The following CD99L2 variants were observed in gnomAD, a reference collection of about 807,000 sequenced individuals.
CD99L2 encodes CD99 molecule like 2, also known as CD99 antigen-like protein 2.
A neutral mutation model predicts 27.3 loss-of-function variants in CD99L2; 24 were observed. That is an observed-to-expected ratio of 0.88 (90% CI 0.64 to 1.24). The LOEUF (loss-of-function observed/expected upper bound fraction) is 1.24, where lower values mean the gene tolerates loss of function less well. Among genes scored for constraint, CD99L2 ranks in the 50% most tolerant of loss-of-function variants. CD99L2 has a pLI of 0.00. For missense variants in CD99L2, 255 were observed against 221.6 expected (o/e 1.15, Z -0.96); for synonymous variants, 97 against 87.9 (o/e 1.10, Z -0.58).
At chrX:150,847,273 G>A (rs994055410) in intron 1 of CD99L2, among the ~76,000 whole-genome samples, 5 of 112,102 alleles carry the variant, frequency 4.5e-5, no homozygotes, top group African/African-American at 1.6e-4. Context: ...TTGTGTTGTA[G>A]TAAGTTTTGA....
chrX:150,842,080 G>A (rs1557421364), intron 1 of CD99L2, among the ~76,000 whole-genome samples: 1 of 111,534 alleles, frequency 9.0e-6, no homozygotes, highest in Non-Finnish European at 1.9e-5. Context: ...CCTGTATCTG[G>A]GCAGCCAGTA....
intron 3 of CD99L2, 38 bp from the exon 4 acceptor site, chrX:150,814,974 TGATTAACAACTGGGTATAA>T (rs1569565971): frequency 2.5e-6 from 3 of 1,198,491 alleles, no homozygotes; most frequent in Admixed American, 2.2e-5. Context: ...AACAGCCAAC[TGATTAACAACTGGGTATAA>T]GATTCCAAAA....
intron 2 of CD99L2, among the ~76,000 whole-genome samples, chrX:150,820,621 TG>T (rs1351147699): frequency 8.9e-6 from 1 of 111,875 alleles, no homozygotes; most frequent in African/African-American, 3.2e-5. Flanking sequence ...AAGACAAGGA[TG>T]TCCACTCTTA....
chrX:150,835,222 T>C (rs1288884693), intron 1 of CD99L2, among the ~76,000 whole-genome samples: 5 of 112,379 alleles, frequency 4.4e-5, no homozygotes, highest in African/African-American at 1.6e-4. Context: ...TATTTTAAAA[T>C]TGCTAATAGA....
At chrX:150,881,078 T>C (rs782254002) in intron 1 of CD99L2, among the ~76,000 whole-genome samples, 25 of 111,043 alleles carry the variant, frequency 2.3e-4, no homozygotes, top group African/African-American at 8.2e-4. Flanking sequence ...CTAGAGCGAG[T>C]GAGAGGGAGC....
rs368016116 is a variant in CD99L2, at chrX:150,792,657, C to T, written c.496+1034G>A. 1.3e-4 allele frequency among the ~76,000 whole-genome samples: 15 copies of T among 112,255 alleles called. No individual in the cohort carries two copies. The East Asian group carries it at 3.6e-3, about 27-fold the overall frequency. ...GAGTTACAACCAGATACACCCATAA[C>T]TTGTCACACTTATAACCGGGTGTAA... On this transcript the variant is annotated intron_variant, in intron 7 of 10. Coordinates refer to ENST00000370377, the MANE Select transcript of CD99L2 (RefSeq NM_031462.4).
chrX:150,895,503 T>G (rs889441003), intron 1 of CD99L2, among the ~76,000 whole-genome samples: 1 of 111,035 alleles, frequency 9.0e-6, no homozygotes, highest in Admixed American at 9.6e-5. Flanking sequence ...TTCTGAGGTC[T>G]GCCAGGGTTA....
chrX:150,773,747 T>C (rs1557419176), intron 9 of CD99L2, among the ~76,000 whole-genome samples: 1 of 112,405 alleles, frequency 8.9e-6, no homozygotes, highest in African/African-American at 3.2e-5. Flanking sequence ...CCAAGGAACA[T>C]CCGGAGTCCC....
Position 150,775,575 on chromosome X carries a change from G to A in CD99L2, c.655+599C>T, listed in dbSNP as rs966025563. ...TAGTAAAGGGTGGTGGGTCGGGGGG[G>A]AACCACACCATTCTTTCTCTCACAT... On this transcript the variant is annotated intron_variant, in intron 9 of 10. Transcript: ENST00000370377. Among the ~76,000 whole-genome samples, 5 of 112,524 alleles carry A rather than the reference G, an allele frequency of 4.4e-5. No individual in the cohort carries two copies. In the South Asian group the frequency reaches 1.5e-3, roughly 33 times the overall value.
At chrX:150,769,170 A>C in intron 10 of CD99L2, 69 bp from the exon 11 acceptor site, 1 of 1,088,856 alleles carries the variant, frequency 9.2e-7, no homozygotes, top group Non-Finnish European at 1.2e-6. Flanking sequence ...ATACAGCAGC[A>C]AGCCCGTGCT....
chrX:150,890,315 C>T (rs1603324869), intron 1 of CD99L2, among the ~76,000 whole-genome samples: 2 of 107,848 alleles, frequency 1.9e-5, no homozygotes, highest in African/African-American at 3.4e-5. Context: ...CCCGTCTCTA[C>T]TGAAAATACA....
rs1256971743 is a variant in CD99L2, at chrX:150,819,219, C to T, written c.131-3141G>A. 1.4e-4 allele frequency: 50 copies of T among 361,657 alleles called. No homozygotes were observed. The East Asian group carries it at 3.2e-3, about 23-fold the overall frequency. 29.8% of individuals were successfully genotyped at this position (361,657 alleles called of 1,213,427 possible). The stretch of plus-strand genomic sequence containing the variant: ...GGAATGGCAAGACCAGCAAGAAGAT[C>T]ACCATTGCCAAATATGGACAACTCT... On this transcript the variant is annotated intron_variant, in intron 2 of 10. Coordinates refer to ENST00000370377, the MANE Select transcript of CD99L2 (RefSeq NM_031462.4).
intron 1 of CD99L2, among the ~76,000 whole-genome samples, chrX:150,871,272 C>T (rs2047152443): frequency 8.9e-6 from 1 of 111,759 alleles, no homozygotes; most frequent in African/African-American, 3.3e-5. Context: ...ACTCACATAA[C>T]TAAAAACAGG....
At chrX:150,795,597 G>C in intron 4 of CD99L2, 111 bp from the exon 5 acceptor site, 6 of 719,115 alleles carry the variant, frequency 8.3e-6, no homozygotes, top group Non-Finnish European at 1.3e-5. Context: ...GGTCCTTGAG[G>C]CTCCTATAGG....
rs1211301018 is a variant in CD99L2, at chrX:150,802,650, T to C, written c.278-7164A>G. 1.6e-4 allele frequency among the ~76,000 whole-genome samples: 16 copies of C among 97,162 alleles called. 1 individual carries two copies. The highest frequency in any genetic ancestry group is 0.011 in the Middle Eastern group (2 of 186). The allele number at this position is 97,162 out of a possible 115,157, so 84.4% of individuals were successfully genotyped here. ...AGGCTGGAGTGCAGTGGCGTGATCT[T>C]GGCTCACTGCAAGCTCTGCCTCCCA... On this transcript the variant is annotated intron_variant, in intron 4 of 10. Coordinates refer to ENST00000370377, the MANE Select transcript of CD99L2 (RefSeq NM_031462.4).
chrX:150,786,868 C>T (rs1017945752), intron 7 of CD99L2, among the ~76,000 whole-genome samples: 8 of 112,217 alleles, frequency 7.1e-5, no homozygotes, highest in African/African-American at 1.6e-4. Flanking sequence ...TCCACAACCT[C>T]GTCAGCATTT....
intron 1 of CD99L2, among the ~76,000 whole-genome samples, chrX:150,870,761 AC>A (rs1343984754): frequency 4.6e-5 from 5 of 109,520 alleles, no homozygotes; most frequent in African/African-American, 1.3e-4. Context: ...ACTGCACTGC[AC>A]CCCCCCATCC....
At chrX:150,868,516 T>A (rs782645451) in intron 1 of CD99L2, among the ~76,000 whole-genome samples, 1 of 112,175 alleles carries the variant, frequency 8.9e-6, no homozygotes, top group Admixed American at 9.5e-5. Context: ...AGTGAGACTC[T>A]TGTCACACAC....
rs368100797 is a variant in CD99L2, at chrX:150,818,201, GAT to G, written c.131-2125_131-2124del. ...CAATCACAGAAGAAACAAGTAGGCA[GAT>G]ATATATATATATATATATATGACTT... On this transcript the variant is annotated intron_variant, in intron 2 of 10. Transcript: ENST00000370377. Among the ~76,000 whole-genome samples, 109 of 86,237 alleles carry G rather than the reference GAT, an allele frequency of 1.3e-3. 4 individuals carry two copies. Among genetic ancestry groups the G allele is most frequent in the African/African-American group, 4.0e-3 (92 of 22,822 alleles). 74.9% of individuals were successfully genotyped at this position (86,237 alleles called of 115,157 possible). A position where few individuals can be genotyped will look rare whatever the true frequency, so the allele number is the denominator to read the frequency against.
Sources: allele counts gnomAD v4.1 joint callset (sites outside exome capture counted in the v4.1 genomes callset), GRCh38; gene constraint gnomAD v4.1.1; transcripts MANE v1.5; gene names NCBI Gene and HGNC (gene_info 2026-07-23, HGNC 2026-07-21).